The following SUN1 variants were observed in gnomAD, a reference collection of about 807,000 sequenced individuals.
SUN1 encodes the protein SUN domain-containing protein 1.
A neutral mutation model predicts 103.2 loss-of-function variants in SUN1; 61 were observed. That is an observed-to-expected ratio of 0.59 (90% confidence interval 0.48 to 0.73). The LOEUF (loss-of-function observed/expected upper bound fraction) is 0.73. Among genes scored for constraint, SUN1 ranks in the 30% least tolerant of loss-of-function variants. SUN1 has a pLI of 0.00. For missense variants in SUN1, 1,052 were observed against 1,034.6 expected (o/e 1.02, Z -0.23); for synonymous variants, 490 against 425.7 (o/e 1.15, Z -1.86).
At chr7:838,648 G>A (rs150064877) in intron 1 of SUN1, 150 bp from the exon 2 acceptor site, 37 of 740,466 alleles carry the variant, frequency 5.0e-5, no homozygotes, top group African/African-American at 4.8e-4. Context: ...GTGTGCCACC[G>A]TACGTTTGCT....
intron 2 of SUN1, among the ~76,000 whole-genome samples, chr7:841,035 G>A (rs1327019354): frequency 6.6e-6 from 1 of 151,566 alleles, no homozygotes; most frequent in African/African-American, 2.4e-5. Flanking sequence ...CCAGGTTCAA[G>A]CGATTCTCCA....
chr7:866,897 A>C (rs991378252), intron 16 of SUN1, among the ~76,000 whole-genome samples: 5 of 151,760 alleles, frequency 3.3e-5, no homozygotes, highest in Non-Finnish European at 7.4e-5. Context: ...TGGCTGTACA[A>C]GTTTAAAGCA....
intron 13 of SUN1, 34 bp downstream of exon 13, chr7:857,991 A>G (rs1585026639): frequency 2.0e-6 from 3 of 1,519,720 alleles, no homozygotes; most frequent in Non-Finnish European, 2.7e-6. Context: ...TTTGTTTTAT[A>G]ATAGAAAGTA....
intron 5 of SUN1, among the ~76,000 whole-genome samples, chr7:848,832 G>T (rs548352660): frequency 2.0e-4 from 30 of 152,310 alleles, no homozygotes; most frequent in Non-Finnish European, 2.1e-4. Context: ...GAGCTGATCA[G>T]TGTTGAAACA....
At chr7:860,803 G>T (rs776129893) in intron 14 of SUN1, among the ~76,000 whole-genome samples, 13 of 152,216 alleles carry the variant, frequency 8.5e-5, no homozygotes, top group Non-Finnish European at 1.3e-4. Flanking sequence ...GGGGGAAGGT[G>T]AACGAGGAGC....
intron 1 of SUN1, among the ~76,000 whole-genome samples, chr7:836,533 G>A (rs1803396469): frequency 6.6e-6 from 1 of 152,164 alleles, no homozygotes; most frequent in South Asian, 2.1e-4. Flanking sequence ...TTGAAGGTCA[G>A]CTGGCTCATG....
At chr7:872,611 C>T in intron 18 of SUN1, 49 bp downstream of exon 18, 1 of 1,458,314 alleles carries the variant, frequency 6.9e-7, no homozygotes, top group South Asian at 1.2e-5. Flanking sequence ...CCCACAACTT[C>T]TCGTGACAGC....
chr7:823,222 G>A (rs942198578), intron 1 of SUN1, among the ~76,000 whole-genome samples: 12 of 152,222 alleles, frequency 7.9e-5, no homozygotes, highest in Non-Finnish European at 1.0e-4. Context: ...AGTTCCTGCC[G>A]TCACAGAGTT....
intron 14 of SUN1, 106 bp from the exon 15 acceptor site, chr7:861,274 A>C: frequency 8.9e-7 from 1 of 1,123,524 alleles, no homozygotes. Context: ...GTTTCCGTTG[A>C]GAAGATGCTC....
intron 1 of SUN1, among the ~76,000 whole-genome samples, chr7:824,378 A>G (rs1472768634): frequency 6.6e-6 from 1 of 152,190 alleles, no homozygotes; most frequent in Non-Finnish European, 1.5e-5. Context: ...CTGGCTGCAG[A>G]TGAGTTCTCC....
rs1843319357 is a variant in SUN1 at position 874,407 on chromosome 7, C to T, written c.*1076C>T. The T allele has an allele frequency of 6.6e-6, 1 of 152,646 alleles. No individual in the cohort carries two copies. Among genetic ancestry groups the T allele is most frequent in the Non-Finnish European group, 1.5e-5 (1 of 68,054 alleles). 9.5% of individuals were successfully genotyped at this position (152,646 alleles called of 1,614,324 possible). A position where few individuals can be genotyped will look rare whatever the true frequency, so the allele number is the denominator to read the frequency against. On this transcript the variant is annotated 3_prime_UTR_variant, in exon 19 of 19. Coordinates refer to ENST00000401592, the MANE Select transcript of SUN1 (RefSeq NM_001130965.3). ...GCAGACTTTATAAATGAGATATCTACAAGGCACTTAAAGTGTTACAGATGT... is the reference window on the plus strand; with the variant it reads ...GCAGACTTTATAAATGAGATATCTATAAGGCACTTAAAGTGTTACAGATGT...
chr7:859,750 C>G (rs1427027079), intron 13 of SUN1, among the ~76,000 whole-genome samples: 1 of 152,212 alleles, frequency 6.6e-6, no homozygotes, highest in Non-Finnish European at 1.5e-5. Flanking sequence ...ATTTATATGA[C>G]TGTTTTCTCA....
chr7:817,150 GGGTCTCGCTGTGTTTCCCAGGCT>G lies in SUN1; in HGVS notation c.-74+485_-74+507del, dbSNP rs1046524463. ...GGAAGACGGTTTTATTTAAGAGGGG[GGGTCTCGCTGTGTTTCCCAGGCT>G]GGTCTCGACCTCCTGAGCGCGAGCT... On this transcript the variant is annotated intron_variant, in intron 1 of 17. Coordinates refer to the SUN1 transcript ENST00000389574. 13 of 452,150 alleles carry G rather than the reference GGGTCTCGCTGTGTTTCCCAGGCT, an allele frequency of 2.9e-5. No homozygotes were observed. The East Asian group carries it at 3.7e-4, about 13-fold the overall frequency. 28.0% of individuals were successfully genotyped at this position (452,150 alleles called of 1,614,324 possible).
At chr7:872,753 T>G (rs1414980975) in intron 18 of SUN1, among the ~76,000 whole-genome samples, 191 bp downstream of exon 18, 1 of 152,234 alleles carries the variant, frequency 6.6e-6, no homozygotes, top group Non-Finnish European at 1.5e-5. Flanking sequence ...TTACCCGTGC[T>G]TCATGCCCTG....
At chr7:834,831 T>C (rs1801433320) in intron 1 of SUN1, among the ~76,000 whole-genome samples, 1 of 152,198 alleles carries the variant, frequency 6.6e-6, no homozygotes, top group African/African-American at 2.4e-5. Context: ...ATCCCAGCAC[T>C]TTGGGAGGCT....
chr7:816,677 A>T, intron 1 of SUN1: 1 of 209,488 alleles, frequency 4.8e-6, no homozygotes, highest in Non-Finnish European at 9.7e-6. Flanking sequence ...GAGGCAGGTG[A>T]GCTCCCGGCG....
chr7:866,133 G>T, intron 16 of SUN1, 66 bp downstream of exon 16: 1 of 1,386,042 alleles, frequency 7.2e-7, no homozygotes. Context: ...TTCACGGGTC[G>T]TAGGTCCACA....
intron 1 of SUN1, among the ~76,000 whole-genome samples, 188 bp from the exon 2 acceptor site, chr7:838,610 G>A (rs1296180336): frequency 6.6e-6 from 1 of 152,226 alleles, no homozygotes; most frequent in Non-Finnish European, 1.5e-5. Context: ...GGCTGGGGCA[G>A]ATGTCAGGAG....
intron 5 of SUN1, chr7:850,777 A>AAAAAG (rs1554263311): frequency 1.2e-4 from 18 of 148,986 alleles, no homozygotes; most frequent in Non-Finnish European, 2.4e-4. Context: ...TAAAAAAAAA[A>AAAAAG]AAAAACAAAA....
Sources: gnomAD v4.1 joint callset for allele counts (sites outside exome capture counted in the v4.1 genomes callset) on GRCh38, gnomAD v4.1.1 for gene constraint, MANE v1.5 for transcripts, NCBI Gene and HGNC (gene_info 2026-07-23, HGNC 2026-07-21) for gene names.